DYNC2I2: variants seen among roughly 807,000 people sequenced by gnomAD.
The protein encoded by DYNC2I2 is dynein 2 intermediate chain 2.
In DYNC2I2, 39 loss-of-function variants were observed where a neutral mutation model predicts 52.0. The ratio of observed to expected loss-of-function variants is 0.75; its 90% CI spans 0.58 to 0.98. DYNC2I2 has a LOEUF of 0.98. Among genes scored for constraint, DYNC2I2 ranks in the 50% least tolerant of loss-of-function variants. The pLI is 0.00. For missense variants in DYNC2I2, 743 were observed against 728.4 expected (o/e 1.02, Z -0.23); for synonymous variants, 359 against 321.1 (o/e 1.12, Z -1.26).
At chr9:128,681,018 A>G in the DYNC2I2 span, among the ~76,000 whole-genome samples, 8 of 151,946 alleles carry the variant, frequency 5.3e-5, no homozygotes, top group South Asian at 4.2e-4. Flanking sequence ...GGTGTATACT[A>G]TTTTGTGTCT....
chr9:128,663,904 C>T, the DYNC2I2 span, among the ~76,000 whole-genome samples: 2 of 148,936 alleles, frequency 1.3e-5, no homozygotes, highest in South Asian at 2.1e-4. Context: ...TCGTCTGCCT[C>T]GGCCTTTCAA....
At chr9:128,679,670 G>A in the DYNC2I2 span, among the ~76,000 whole-genome samples, 2 of 145,904 alleles carry the variant, frequency 1.4e-5, no homozygotes, top group African/African-American at 5.1e-5. Context: ...TTTTTGAGAT[G>A]GAGTCTTGCT....
At chr9:128,670,168 T>C in the DYNC2I2 span, among the ~76,000 whole-genome samples, 1 of 151,680 alleles carries the variant, frequency 6.6e-6, no homozygotes, top group Non-Finnish European at 1.5e-5. Context: ...TGGACACCGC[T>C]GGTGGGTCAC....
intron 1 of DYNC2I2, among the ~76,000 whole-genome samples, chr9:128,641,807 C>A (rs1052970467): frequency 1.3e-5 from 2 of 152,094 alleles, no homozygotes; most frequent in Non-Finnish European, 2.9e-5. Context: ...TCTGAACACA[C>A]AGGCCTCAGC....
At chr9:128,661,763 C>G (rs552712967), upstream of DYNC2I2, among the ~76,000 whole-genome samples, 1 of 151,586 alleles carries the variant, frequency 6.6e-6, no homozygotes, top group Non-Finnish European at 1.5e-5. Context: ...AAAAGCCGGC[C>G]GGGCTTGGTG....
the DYNC2I2 span, among the ~76,000 whole-genome samples, chr9:128,672,854 G>A: frequency 4.6e-5 from 7 of 152,010 alleles, no homozygotes; most frequent in African/African-American, 1.7e-4. Context: ...GAAACCCCGT[G>A]TCTACTAAAA....
chr9:128,669,178 A>G, the DYNC2I2 span, among the ~76,000 whole-genome samples: 1 of 152,046 alleles, frequency 6.6e-6, no homozygotes, highest in African/African-American at 2.4e-5. Context: ...ATCCTGGCTA[A>G]CACGGTGAAA....
the DYNC2I2 span, chr9:128,683,951 C>T: frequency 5.8e-6 from 9 of 1,557,496 alleles, no homozygotes; most frequent in Non-Finnish European, 7.8e-6. Flanking sequence ...CCAAGACCAC[C>T]TCCTGCTCTG....
chr9:128,639,722 G>A (rs1860475861), intron 2 of DYNC2I2, among the ~76,000 whole-genome samples: 1 of 152,114 alleles, frequency 6.6e-6, no homozygotes. Context: ...CAGGAGTGCA[G>A]TGGCACAGTC....
Position 128,633,892 on chromosome 9 carries a change from A to T in DYNC2I2, c.1463T>A (p.Leu488Gln). 1 of 1,613,424 alleles carries T rather than the reference A, an allele frequency of 6.2e-7. No individual in the cohort carries two copies. Among genetic ancestry groups the T allele is most frequent in the South Asian group, 1.1e-5 (1 of 91,088 alleles). Residue 488 changes from leucine to glutamine, a missense_variant, in exon 9 of 9, where the codon CTG (leucine) becomes CAG (glutamine). Physicochemically the swap from Leu to Gln is moderately radical, Grantham distance 113. Coordinates refer to ENST00000372715, the MANE Select transcript of DYNC2I2 (RefSeq NM_052844.4). ...CTGAGTCTGCTGGCTGTTGAACTCC[A>T]GACAGTAGACAGGGCTTTCATCCTG... ...QTQDESPVYC[L>Q]EFNSQQTQLL...
At chr9:128,668,887 C>T in the DYNC2I2 span, among the ~76,000 whole-genome samples, 461 of 151,374 alleles carry the variant, frequency 3.0e-3, 7 homozygotes, top group East Asian at 0.035. Flanking sequence ...AAATACTTAC[C>T]GGGACAGTGT....
the DYNC2I2 span, among the ~76,000 whole-genome samples, chr9:128,681,587 G>A: frequency 7.7e-3 from 1,175 of 152,274 alleles, 16 homozygotes; most frequent in African/African-American, 0.027. Flanking sequence ...ATGTAGGGAG[G>A]AGTACCATTG....
chr9:128,671,921 G>C, the DYNC2I2 span, among the ~76,000 whole-genome samples: 1 of 147,570 alleles, frequency 6.8e-6, no homozygotes, highest in African/African-American at 2.5e-5. Context: ...CCAAAGTGCT[G>C]GAATTACAGG....
chr9:128,653,954 C>T (rs1364968016), intron 1 of DYNC2I2, among the ~76,000 whole-genome samples: 1 of 151,562 alleles, frequency 6.6e-6, no homozygotes, highest in South Asian at 2.1e-4. Context: ...GAGCTTGCAG[C>T]GAGCCGAGAT....
At position 128,634,244 on chromosome 9, in the gene DYNC2I2, C is replaced by T; in HGVS notation, c.1354G>A (p.Ala452Thr). ...TTCCTACCTTTCCCAGAGGCAGCTG[C>T]AAAAACCAAGGGCCGCACTGGGGAC... ...RWSPVRPLVF[A>T]AASGKGDVQL... Residue 452 changes from alanine to threonine, a missense_variant, in exon 8 of 9, where the codon GCA becomes ACA. Ala to Thr is a moderately conservative substitution (Grantham distance 58). Coordinates refer to ENST00000372715, the MANE Select transcript of DYNC2I2 (RefSeq NM_052844.4). The T allele has an allele frequency of 6.2e-7, 1 of 1,613,814 alleles. No homozygotes were observed. The highest frequency in any genetic ancestry group is 8.5e-7 in the Non-Finnish European group (1 of 1,180,020).
Position 128,636,756 on chromosome 9 carries a change from C to T in DYNC2I2, c.545+162G>A, listed in dbSNP as rs1860423673. Among the ~76,000 whole-genome samples, 5 of 152,190 alleles carry T rather than the reference C, an allele frequency of 3.3e-5. No homozygotes were observed. In the South Asian group the frequency reaches 1.0e-3, roughly 32 times the overall value. On this transcript the variant is annotated intron_variant, in intron 3 of 8. Transcript: ENST00000372715. Reference sequence around the variant, plus strand: ...CTGGCACTCAGCCCCACTGCCTGCTCTTCTGCCACTTGTTGTCAACCCTGC... The same window carrying T: ...CTGGCACTCAGCCCCACTGCCTGCTTTTCTGCCACTTGTTGTCAACCCTGC...
intron 1 of DYNC2I2, 64 bp downstream of exon 1, chr9:128,656,477 C>T: frequency 8.3e-7 from 1 of 1,203,822 alleles, no homozygotes; most frequent in African/African-American, 1.6e-5. Context: ...CGAACCCGCC[C>T]GGCAGCCGCG....
chr9:128,681,617 C>T, the DYNC2I2 span, among the ~76,000 whole-genome samples: 1 of 152,300 alleles, frequency 6.6e-6, no homozygotes. Context: ...AAAGCATGAA[C>T]ACATTCAGCT....
In DYNC2I2 at chr9:128,634,258, C is replaced by T. The variant is rs587777094; in HGVS notation, c.1340G>A (p.Arg447Gln). ...AGAGGCAGCTGCAAAAACCAAGGGC[C>T]GCACTGGGGACCAGCGCACAGCAAA... ...YLFAVRWSPVRPLVFAAASGK... is the reference protein window; with the variant it reads ...YLFAVRWSPVQPLVFAAASGK... The change falls in exon 8 of 9, where the codon CGG (arginine) becomes CAG (glutamine). Residue 447 changes from arginine to glutamine, a missense_variant. Coordinates refer to ENST00000372715, the MANE Select transcript of DYNC2I2 (RefSeq NM_052844.4). 5.0e-6 allele frequency: 8 copies of T among 1,613,866 alleles called. No homozygotes were observed. Among genetic ancestry groups the T allele is most frequent in the Admixed American group, 1.7e-5 (1 of 60,020 alleles).
Sources: allele counts gnomAD v4.1 joint callset (sites outside exome capture counted in the v4.1 genomes callset), GRCh38; gene constraint gnomAD v4.1.1; transcripts MANE v1.5; gene names NCBI Gene and HGNC (gene_info 2026-07-23, HGNC 2026-07-21).